Variants in NCBP3 observed in about 807,000 individuals in gnomAD.
The protein encoded by NCBP3 is nuclear cap-binding protein subunit 3.
Under a neutral mutation model 75.7 loss-of-function variants are expected in NCBP3, and 20 were observed. The ratio of observed to expected loss-of-function variants is 0.26; its 90% CI spans 0.19 to 0.38. The LOEUF (loss-of-function observed/expected upper bound fraction) is 0.38. NCBP3 is among the 10% of genes least tolerant of loss of function. NCBP3 has a pLI of 1.00. For synonymous variants in NCBP3, 293 were observed against 290.5 expected, an observed-to-expected ratio of 1.01 and a Z score of -0.09; for missense variants, 678 against 796.9, an observed-to-expected ratio of 0.85 and a Z score of 1.80.
intron 4 of NCBP3, among the ~76,000 whole-genome samples, chr17:3,826,605 TG>T (rs1228119581): frequency 1.3e-5 from 2 of 151,370 alleles, no homozygotes; most frequent in East Asian, 3.9e-4. Context: ...CACTCCAGCC[TG>T]GGTAACAGGG....
At chr17:3,825,194 A>G (rs1355888293) in intron 6 of NCBP3, 144 bp from the exon 7 acceptor site, 3 of 530,988 alleles carry the variant, frequency 5.6e-6, no homozygotes, top group Non-Finnish European at 9.9e-6. Context: ...TTTCTAACTC[A>G]GAGATTTCCC....
At position 3,842,039 on chromosome 17, in the gene NCBP3, T is replaced by C. The variant is rs528518538; in HGVS notation, c.249+1047A>G. Among the ~76,000 whole-genome samples the C allele has an allele frequency of 3.9e-5, 6 of 152,092 alleles. No individual in the cohort carries two copies. The South Asian group carries it at 1.2e-3, about 32-fold the overall frequency. ...GCAACTTACATGTATTGACTACATA[T>C]AAGGAAAATAATAGGCTTGACTCTA... is the stretch of plus-strand genomic sequence containing the variant. On this transcript the variant is annotated intron_variant, in intron 2 of 12. Coordinates refer to ENST00000389005, the MANE Select transcript of NCBP3 (RefSeq NM_001114118.3).
intron 11 of NCBP3, 44 bp from the exon 12 acceptor site, chr17:3,814,527 T>C: frequency 2.5e-6 from 4 of 1,604,822 alleles, no homozygotes; most frequent in Non-Finnish European, 3.4e-6. Context: ...GTGTGTGCTT[T>C]ATGCTCGGCA....
rs1567587805 is a variant in NCBP3, at chr17:3,825,023, C to A, written c.715G>T (p.Glu239Ter). 6.5e-7 allele frequency: 1 copy of A among 1,542,310 alleles called. No homozygotes were observed. The highest frequency in any genetic ancestry group is 8.8e-7 in the Non-Finnish European group (1 of 1,141,604). Residue 239 changes from glutamate to a stop codon, truncating the protein, a stop_gained, in exon 7 of 13, where the codon GAG (glutamate) becomes TAG (stop). Transcript: ENST00000389005. LOFTEE classifies it high-confidence loss of function. ...CGAAGATCGTTTCTTAACAAAGACT[C>A]CTCTTCTACCTGAGACAACGTATCC... ...ELDTLSQVEE[E>*]SLLRNDLRPA...
intron 3 of NCBP3, among the ~76,000 whole-genome samples, chr17:3,833,306 G>A (rs910049991): frequency 1.7e-4 from 26 of 152,070 alleles, no homozygotes; most frequent in African/African-American, 6.0e-4. Context: ...CAGAGATGGG[G>A]TTTTACCATG....
At position 3,812,539 on chromosome 17, in the gene NCBP3, C is replaced by A. The variant is rs1404316930; in HGVS notation, c.*505G>T. On this transcript the variant is annotated 3_prime_UTR_variant, in exon 13 of 13. Coordinates refer to ENST00000389005, the MANE Select transcript of NCBP3 (RefSeq NM_001114118.3). The stretch of plus-strand genomic sequence containing the variant: ...TCTGAGGTCAGGTCCGTGAGATTCG[C>A]CCCACACTAGGGTCCCGGAAGGGTG... The A allele has an allele frequency of 1.0e-6, 1 of 1,001,878 alleles. No homozygotes were observed. 62.1% of individuals were successfully genotyped at this position (1,001,878 alleles called of 1,614,324 possible). A position where few individuals can be genotyped will look rare whatever the true frequency, so the allele number is the denominator to read the frequency against.
chr17:3,838,912 T>G (rs2054020104), intron 3 of NCBP3, among the ~76,000 whole-genome samples: 1 of 152,202 alleles, frequency 6.6e-6, no homozygotes. Flanking sequence ...TTTACAGAGC[T>G]TTTGCTTTTA....
rs1253663654 is a variant in NCBP3, at chr17:3,812,512, C to A, written c.*532G>T. 2.0e-6 allele frequency: 2 copies of A among 996,102 alleles called. No individual in the cohort carries two copies. Among genetic ancestry groups the A allele is most frequent in the Non-Finnish European group, 2.4e-6 (2 of 836,302 alleles). The allele number at this position is 996,102 out of a possible 1,614,324, so 61.7% of individuals were successfully genotyped here. A position where few individuals can be genotyped will look rare whatever the true frequency, so the allele number is the denominator to read the frequency against. ...TATCTACCTGGGCGGCACTGGTGCA[C>A]CTCTGAGGTCAGGTCCGTGAGATTC... On this transcript the variant is annotated 3_prime_UTR_variant, in exon 13 of 13. Transcript: ENST00000389005.
intron 3 of NCBP3, among the ~76,000 whole-genome samples, chr17:3,831,986 T>G (rs2053885961): frequency 8.4e-6 from 1 of 118,512 alleles, no homozygotes; most frequent in African/African-American, 2.5e-5. Flanking sequence ...GAGTTCGAGA[T>G]CAGCCTGGAC....
At position 3,814,421 on chromosome 17, in the gene NCBP3, C is replaced by T. The variant is rs1350518936; in HGVS notation, c.1528G>A (p.Val510Ile). The T allele has an allele frequency of 1.9e-6, 3 of 1,614,220 alleles. No homozygotes were observed. The highest frequency in any genetic ancestry group is 1.7e-5 in the Admixed American group (1 of 60,034). ...TCAGAAGAGGGCTCTCTCCGAACGACGGGGTTACTACTAAAAGCCTTTTCC... is the reference window on the plus strand; with the variant it reads ...TCAGAAGAGGGCTCTCTCCGAACGATGGGGTTACTACTAAAAGCCTTTTCC... ...SPEKAFSSNP[V>I]VRREPSSDVH... Residue 510 changes from valine (V) to isoleucine (I), a missense_variant, in exon 12 of 13, where the codon GTC (valine) becomes ATC (isoleucine). Physicochemically the swap from Val to Ile is conservative, Grantham distance 29. This residue lies in a region of NCBP3 where 365 missense variants were observed against 392.7 expected (regional missense o/e 0.93). Coordinates refer to ENST00000389005, the MANE Select transcript of NCBP3 (RefSeq NM_001114118.3).
At chr17:3,825,954 C>T in intron 5 of NCBP3, 111 bp from the exon 6 acceptor site, 1 of 1,405,270 alleles carries the variant, frequency 7.1e-7, no homozygotes, top group East Asian at 2.5e-5. Context: ...TCTCCTATTT[C>T]CTGATGATCT....
In NCBP3 at chr17:3,818,619, C is replaced by A. The variant is rs764658264; in HGVS notation, c.1001-47G>T. 1 of 1,551,690 alleles carries A rather than the reference C, an allele frequency of 6.4e-7. No homozygotes were observed. The highest frequency in any genetic ancestry group is 2.2e-5 in the East Asian group (1 of 44,466). Reference sequence around the variant, plus strand: ...ACATTAGGAAAAGCACTAAAATTAACAAGTATGATTTTCTACTCTACATCG... The same window carrying A: ...ACATTAGGAAAAGCACTAAAATTAAAAAGTATGATTTTCTACTCTACATCG... On this transcript the variant is annotated intron_variant, in intron 9 of 12. Transcript: ENST00000389005. This position sits in a 1 kb window ranked among gnomAD's most constrained non-coding sequence, Gnocchi z 4.7.
At chr17:3,824,361 C>CACACAT (rs200438842) in intron 7 of NCBP3, 1 of 150,304 alleles carries the variant, frequency 6.7e-6, no homozygotes. Flanking sequence ...CACATACACA[C>CACACAT]ACACATACAC....
Position 3,806,636 on chromosome 17 carries a change from A to G in NCBP3, c.*6408T>C, listed in dbSNP as rs2053339636. ...AATTCCACTCGGATGCCTCACAACTACTTAAAATTGGCTTTTTGAAGCAGC... is the reference window on the plus strand; with the variant it reads ...AATTCCACTCGGATGCCTCACAACTGCTTAAAATTGGCTTTTTGAAGCAGC... On this transcript the variant is annotated 3_prime_UTR_variant, in exon 13 of 13. Coordinates refer to ENST00000389005, the MANE Select transcript of NCBP3 (RefSeq NM_001114118.3). 6.6e-6 allele frequency: 1 copy of G among 151,414 alleles called. No individual in the cohort carries two copies. The highest frequency in any genetic ancestry group is 1.5e-5 in the Non-Finnish European group (1 of 67,946). 9.4% of individuals were successfully genotyped at this position (151,414 alleles called of 1,614,324 possible). A position where few individuals can be genotyped will look rare whatever the true frequency, so the allele number is the denominator to read the frequency against.
At chr17:3,816,976 G>A (rs1013095571) in intron 10 of NCBP3, among the ~76,000 whole-genome samples, 6 of 151,970 alleles carry the variant, frequency 3.9e-5, no homozygotes, top group South Asian at 2.1e-4. Context: ...GCAGTGAGCC[G>A]AGATCGTGTT....
intron 3 of NCBP3, among the ~76,000 whole-genome samples, chr17:3,836,610 G>A (rs182329845): frequency 9.7e-4 from 140 of 143,762 alleles, no homozygotes; most frequent in African/African-American, 3.4e-3. Context: ...CCAAGATTGC[G>A]CCACTGCACT....
intron 3 of NCBP3, among the ~76,000 whole-genome samples, chr17:3,835,315 C>T (rs887532179): frequency 1.2e-4 from 18 of 152,196 alleles, no homozygotes; most frequent in African/African-American, 4.1e-4. Context: ...AGGATGAGTG[C>T]AACACTGAAA....
At chr17:3,828,084 A>C (rs916781444) in intron 4 of NCBP3, among the ~76,000 whole-genome samples, 1 of 152,040 alleles carries the variant, frequency 6.6e-6, no homozygotes, top group Non-Finnish European at 1.5e-5. Flanking sequence ...ACATGAGGCT[A>C]ATTTTTGTAT....
At chr17:3,829,097 TCGA>T in intron 4 of NCBP3, 143 bp downstream of exon 4, 1 of 873,260 alleles carries the variant, frequency 1.1e-6, no homozygotes, top group South Asian at 1.8e-5. Flanking sequence ...GTTTCACTGC[TCGA>T]CAATTTTTTC....
Sources: allele counts gnomAD v4.1 joint callset (sites outside exome capture counted in the v4.1 genomes callset), GRCh38; gene constraint gnomAD v4.1.1; regional missense constraint gnomAD v4.1.1; non-coding constraint Gnocchi (gnomAD v3.1); transcripts MANE v1.5; gene names NCBI Gene and HGNC (gene_info 2026-07-23, HGNC 2026-07-21).